GNA14: variants seen among roughly 807,000 people sequenced by gnomAD.
GNA14 encodes the protein guanine nucleotide-binding protein subunit alpha-14.
GNA14 carries 50 observed loss-of-function variants against 42.0 expected under a neutral mutation model. The ratio of observed to expected loss-of-function variants is 1.19; its 90% CI spans 0.95 to 1.51. The LOEUF (loss-of-function observed/expected upper bound fraction) is 1.51, where lower values mean the gene tolerates loss of function less well. GNA14 is among the 40% of genes most tolerant of loss of function. The pLI is 0.00. For missense variants in GNA14, 473 were observed against 446.2 expected (o/e 1.06, Z -0.54); for synonymous variants, 173 against 163.1 (o/e 1.06, Z -0.46).
intron 2 of GNA14, among the ~76,000 whole-genome samples, chr9:77,447,474 CTA>C (rs1835840359): frequency 6.6e-6 from 1 of 152,166 alleles, no homozygotes; most frequent in Non-Finnish European, 1.5e-5. Flanking sequence ...GGAGAGAATT[CTA>C]TTTCTTTTTC....
intron 2 of GNA14, among the ~76,000 whole-genome samples, chr9:77,475,807 A>G (rs995252385): frequency 3.3e-5 from 5 of 152,162 alleles, no homozygotes; most frequent in Non-Finnish European, 7.4e-5. Context: ...TTCAACAGAC[A>G]TATCTGGAAA....
chr9:77,484,715 C>T (rs1476658160), intron 2 of GNA14, among the ~76,000 whole-genome samples: 1 of 152,076 alleles, frequency 6.6e-6, no homozygotes, highest in Non-Finnish European at 1.5e-5. Flanking sequence ...TATATACTGG[C>T]ATACCTCAGA....
chr9:77,590,107 G>T (rs1426450790), intron 1 of GNA14, among the ~76,000 whole-genome samples: 1 of 152,028 alleles, frequency 6.6e-6, no homozygotes, highest in Non-Finnish European at 1.5e-5. Flanking sequence ...AGTAGAGATG[G>T]GGTATCAACC....
At chr9:77,437,684 G>C (rs1052300140) in intron 2 of GNA14, among the ~76,000 whole-genome samples, 7 of 152,162 alleles carry the variant, frequency 4.6e-5, no homozygotes, top group African/African-American at 1.7e-4. Flanking sequence ...GAGTCAGTGA[G>C]TAATGCACCA....
chr9:77,444,619 C>T (rs1239884904), intron 2 of GNA14, among the ~76,000 whole-genome samples: 1 of 152,168 alleles, frequency 6.6e-6, no homozygotes, highest in African/African-American at 2.4e-5. Flanking sequence ...AGCCTCAGGC[C>T]CCCTCAGACA....
chr9:77,548,793 A>G (rs1807341846), intron 1 of GNA14, among the ~76,000 whole-genome samples: 1 of 152,208 alleles, frequency 6.6e-6, no homozygotes, highest in African/African-American at 2.4e-5. Flanking sequence ...AAACGATCAT[A>G]TTATTAAGCT....
intron 1 of GNA14, among the ~76,000 whole-genome samples, chr9:77,581,686 A>T (rs1823225923): frequency 6.6e-6 from 1 of 152,198 alleles, no homozygotes; most frequent in African/African-American, 2.4e-5. Context: ...AAGGCAGGTC[A>T]CTGAAGTTGT....
At chr9:77,500,731 C>T (rs1208409683) in intron 2 of GNA14, among the ~76,000 whole-genome samples, 1 of 152,204 alleles carries the variant, frequency 6.6e-6, no homozygotes, top group African/African-American at 2.4e-5. Flanking sequence ...GCTTTATTCA[C>T]TTAGCATAAG....
At chr9:77,620,466 A>C (rs937677404) in intron 1 of GNA14, among the ~76,000 whole-genome samples, 2 of 152,254 alleles carry the variant, frequency 1.3e-5, no homozygotes, top group Non-Finnish European at 1.5e-5. Flanking sequence ...GACAAAATAC[A>C]AATTAGAAAC....
intron 2 of GNA14, among the ~76,000 whole-genome samples, chr9:77,494,322 G>C (rs924263486): frequency 2.6e-5 from 4 of 152,116 alleles, no homozygotes; most frequent in African/African-American, 9.7e-5. Flanking sequence ...ATAGTATTTT[G>C]TGGTCATTAT....
chr9:77,607,138 T>A (rs1466841931), intron 1 of GNA14, among the ~76,000 whole-genome samples: 1 of 152,180 alleles, frequency 6.6e-6, no homozygotes, highest in Non-Finnish European at 1.5e-5. Flanking sequence ...TCTCTTCTTA[T>A]CTGTAAAATA....
At chr9:77,569,072 G>A (rs559053412) in intron 1 of GNA14, among the ~76,000 whole-genome samples, 6 of 151,834 alleles carry the variant, frequency 4.0e-5, no homozygotes, top group East Asian at 1.9e-4. Context: ...TCCCATATGT[G>A]CCTTCTCTTA....
chr9:77,464,041 C>T (rs1452174915), intron 2 of GNA14, among the ~76,000 whole-genome samples: 4 of 152,078 alleles, frequency 2.6e-5, no homozygotes, highest in Non-Finnish European at 4.4e-5. Context: ...CGCTTTGTTG[C>T]CCAGGTTGGA....
intron 2 of GNA14, among the ~76,000 whole-genome samples, chr9:77,473,699 G>A (rs1836371044): frequency 6.8e-6 from 1 of 147,156 alleles, no homozygotes; most frequent in African/African-American, 2.5e-5. Context: ...GCCAAAACAA[G>A]GTTTTTTCAA....
At chr9:77,575,346 C>A (rs1415805479) in intron 1 of GNA14, among the ~76,000 whole-genome samples, 1 of 152,116 alleles carries the variant, frequency 6.6e-6, no homozygotes, top group Non-Finnish European at 1.5e-5. Context: ...CGCGCCACTG[C>A]ACTCCAGCCT....
intron 1 of GNA14, among the ~76,000 whole-genome samples, chr9:77,594,813 C>G (rs1419090140): frequency 6.6e-6 from 1 of 152,194 alleles, no homozygotes; most frequent in Non-Finnish European, 1.5e-5. Context: ...ATGATAGGGC[C>G]TTCTCCGTGT....
intron 1 of GNA14, among the ~76,000 whole-genome samples, chr9:77,553,845 C>A (rs1436947547): frequency 1.3e-5 from 2 of 152,072 alleles, no homozygotes; most frequent in African/African-American, 2.4e-5. Context: ...AAAGTAATCA[C>A]AGTGTGATCC....
rs141790424 is a variant in GNA14 at position 77,445,395 on chromosome 9, C to T, written c.310-10873G>A. 2.8e-3 allele frequency among the ~76,000 whole-genome samples: 418 copies of T among 151,212 alleles called. 3 individuals are homozygous for T. The highest frequency in any genetic ancestry group is 4.9e-3 in the Non-Finnish European group (331 of 67,900). ...CCTCCAAACAAGGAATGCGTGTATT[C>T]GGCCAGTGGAGCTGCTTCTCAGAGA... On this transcript the variant is annotated intron_variant, in intron 2 of 6. Coordinates refer to ENST00000341700, the MANE Select transcript of GNA14 (RefSeq NM_004297.4).
intron 3 of GNA14, among the ~76,000 whole-genome samples, chr9:77,433,982 G>A (rs940720874): frequency 1.3e-5 from 2 of 152,146 alleles, no homozygotes; most frequent in Non-Finnish European, 2.9e-5. Context: ...GAAAGGCAGA[G>A]GGATATAGAG....
Sources: allele counts gnomAD v4.1 joint callset (sites outside exome capture counted in the v4.1 genomes callset), GRCh38; gene constraint gnomAD v4.1.1; transcripts MANE v1.5; gene names NCBI Gene and HGNC (gene_info 2026-07-23, HGNC 2026-07-21).